Variants in CDC42BPB observed in about 807,000 individuals in gnomAD.
CDC42BPB encodes the protein serine/threonine-protein kinase MRCK beta.
A neutral mutation model predicts 214.9 loss-of-function variants in CDC42BPB; 37 were observed. The ratio of observed to expected loss-of-function variants is 0.17; its 90% confidence interval spans 0.13 to 0.23. CDC42BPB has a LOEUF of 0.23. Ranked by LOEUF, CDC42BPB falls within the 10% of genes least tolerant of loss-of-function variation. The pLI, the probability that CDC42BPB is intolerant of heterozygous loss-of-function variation, is 1.00. For missense variants in CDC42BPB, 1,694 were observed against 2,227.0 expected, an observed-to-expected ratio of 0.76 and a Z score of 4.82; for synonymous variants, 931 against 884.0, an observed-to-expected ratio of 1.05 and a Z score of -0.94.
chr14:103,016,473 G>GCAGATGAGGGGAGGGAAC (rs1886467036), intron 1 of CDC42BPB, among the ~76,000 whole-genome samples: 1 of 81,614 alleles, frequency 1.2e-5, no homozygotes. Flanking sequence ...TGCCGGTGAA[G>GCAGATGAGGGGAGGGAAC]CAGGTGAGGG....
intron 8 of CDC42BPB, 86 bp downstream of exon 8, chr14:102,980,687 A>T: frequency 1.5e-6 from 2 of 1,305,476 alleles, no homozygotes; most frequent in Non-Finnish European, 2.2e-6. Flanking sequence ...TTTATGGTGT[A>T]CTGACTTGAT....
intron 1 of CDC42BPB, among the ~76,000 whole-genome samples, chr14:103,027,219 T>A (rs1387730080): frequency 2.0e-5 from 3 of 152,146 alleles, no homozygotes; most frequent in African/African-American, 7.2e-5. Flanking sequence ...AGAGATGAAC[T>A]CTTACACACT....
Position 102,949,789 on chromosome 14 carries a change from A to G in CDC42BPB, c.3425T>C (p.Ile1142Thr), listed in dbSNP as rs1267828637. 1.9e-6 allele frequency: 3 copies of G among 1,613,486 alleles called. No individual in the cohort carries two copies. Among genetic ancestry groups the G allele is most frequent in the Non-Finnish European group, 1.7e-6 (2 of 1,180,020 alleles). The change falls in exon 26 of 37, where the codon ATT (isoleucine) becomes ACT (threonine). Residue 1142 changes from isoleucine to threonine, a missense_variant. Coordinates refer to ENST00000361246, the MANE Select transcript of CDC42BPB (RefSeq NM_006035.4). ...CCTGAGATCCAAGACTTGGCTCGCA[A>G]TGACACCAGGCTGGGTGGATTTTCC... is the stretch of plus-strand genomic sequence containing the variant. ...PEGKSTQPGV[I>T]ASQVLDLRDD...
chr14:102,952,407 G>C (rs775112920), intron 24 of CDC42BPB, 91 bp downstream of exon 24: 3 of 745,726 alleles, frequency 4.0e-6, no homozygotes, highest in Non-Finnish European at 6.8e-6. Flanking sequence ...TGGTTTGCTT[G>C]CATCAGGGCT....
At chr14:103,002,255 G>A (rs976725335) in intron 4 of CDC42BPB, among the ~76,000 whole-genome samples, 2 of 152,070 alleles carry the variant, frequency 1.3e-5, no homozygotes, top group African/African-American at 2.4e-5. Flanking sequence ...CGCAGAAGCC[G>A]GCCCCGCAGT....
At position 102,933,494 on chromosome 14, in the gene CDC42BPB, A is replaced by G. The variant is rs1401039160; in HGVS notation, c.*218T>C. On this transcript the variant is annotated 3_prime_UTR_variant, in exon 37 of 37. Coordinates refer to ENST00000361246, the MANE Select transcript of CDC42BPB (RefSeq NM_006035.4). ...GTCCTTCATGTGCAGATGGAACAGC[A>G]TCGCCTCACAGCTGTGCAGACGAAC... The G allele has an allele frequency of 9.3e-6, 4 of 428,166 alleles. No homozygotes were observed. The allele number at this position is 428,166 out of a possible 1,614,324, so 26.5% of individuals were successfully genotyped here. A position where few individuals can be genotyped will look rare whatever the true frequency, so the allele number is the denominator to read the frequency against.
chr14:102,968,081 C>A (rs1365667159), intron 16 of CDC42BPB, among the ~76,000 whole-genome samples, 172 bp downstream of exon 16: 3 of 150,970 alleles, frequency 2.0e-5, no homozygotes, highest in Non-Finnish European at 4.4e-5. Context: ...AGCGACAGAG[C>A]GAGACTCCAT....
At chr14:103,053,602 A>G (rs1001927439) in intron 1 of CDC42BPB, among the ~76,000 whole-genome samples, 2 of 150,188 alleles carry the variant, frequency 1.3e-5, no homozygotes, top group Admixed American at 6.6e-5. Flanking sequence ...TCTACTAAAA[A>G]TACAAAAAAA....
intron 3 of CDC42BPB, 32 bp downstream of exon 3, chr14:103,008,440 C>A: frequency 1.4e-6 from 2 of 1,399,268 alleles, no homozygotes; most frequent in Non-Finnish European, 1.0e-6. Flanking sequence ...CCCCAAGCCC[C>A]ATTTGTATGG....
intron 1 of CDC42BPB, among the ~76,000 whole-genome samples, chr14:103,044,346 C>T (rs543613153): frequency 6.6e-6 from 1 of 150,966 alleles, no homozygotes; most frequent in Non-Finnish European, 1.5e-5. Context: ...ACTACAGGTG[C>T]ACACCAACAC....
rs781109105 is a variant in CDC42BPB, at chr14:102,971,911, A to AC, written c.1884+7dup. On this transcript the variant is annotated splice_region_variant and intron_variant, in intron 13 of 36. Coordinates refer to ENST00000361246, the MANE Select transcript of CDC42BPB (RefSeq NM_006035.4). The stretch of plus-strand genomic sequence containing the variant: ...TCGATACCATCCCTGAACCATCTCC[A>AC]CAGCTACCTCTTTCCTGAGCTTCTC... 2 of 1,613,486 alleles carry AC rather than the reference A, an allele frequency of 1.2e-6. No individual in the cohort carries two copies. The highest frequency in any genetic ancestry group is 8.5e-7 in the Non-Finnish European group (1 of 1,179,552).
At chr14:103,041,698 G>A in intron 1 of CDC42BPB, 1 of 560,000 alleles carries the variant, frequency 1.8e-6, no homozygotes, top group Non-Finnish European at 3.3e-6. Flanking sequence ...CTGCAGCTTG[G>A]AGGAGCTCAG....
intron 21 of CDC42BPB, among the ~76,000 whole-genome samples, chr14:102,956,909 T>C (rs981666276): frequency 6.6e-6 from 1 of 150,538 alleles, no homozygotes; most frequent in Non-Finnish European, 1.5e-5. Context: ...CCAGGCATGG[T>C]GGCTCACACC....
At chr14:103,019,247 C>CT (rs771408080) in intron 1 of CDC42BPB, among the ~76,000 whole-genome samples, 2 of 152,152 alleles carry the variant, frequency 1.3e-5, no homozygotes, top group Non-Finnish European at 2.9e-5. Context: ...CTGAAATATG[C>CT]TAAGGCCCTA....
At position 102,933,627 on chromosome 14, in the gene CDC42BPB, G is replaced by T; in HGVS notation, c.*85C>A. On this transcript the variant is annotated 3_prime_UTR_variant, in exon 37 of 37. Coordinates refer to ENST00000361246, the MANE Select transcript of CDC42BPB (RefSeq NM_006035.4). ...TACAAAGTGATTCTACATTTCCTTG[G>T]ACAACACTGGAGGGCCCGCTCAGTC... 1.8e-6 allele frequency: 2 copies of T among 1,085,454 alleles called. No individual in the cohort carries two copies. Among genetic ancestry groups the T allele is most frequent in the South Asian group, 2.1e-5 (1 of 46,770 alleles). 67.2% of individuals were successfully genotyped at this position (1,085,454 alleles called of 1,614,324 possible). A position where few individuals can be genotyped will look rare whatever the true frequency, so the allele number is the denominator to read the frequency against.
At chr14:102,988,189 T>C (rs574702290) in intron 5 of CDC42BPB, among the ~76,000 whole-genome samples, 1 of 151,570 alleles carries the variant, frequency 6.6e-6, no homozygotes, top group South Asian at 2.1e-4. Flanking sequence ...AAGAATAAAA[T>C]GAGGTAAAGA....
At chr14:103,019,902 G>A (rs1886672359) in intron 1 of CDC42BPB, among the ~76,000 whole-genome samples, 1 of 152,168 alleles carries the variant, frequency 6.6e-6, no homozygotes, top group South Asian at 2.1e-4. Flanking sequence ...CTTTAAATAG[G>A]AAAAGCTTTG....
chr14:102,939,831 G>A lies in CDC42BPB; in HGVS notation c.4708C>T (p.Arg1570Ter), dbSNP rs1416279074. ...GGCCCCGTGAGGCCCCGCTCCTACCGCCTCTGCTGCAGTCTCTCTTCCTCT... is the reference window on the plus strand; with the variant it reads ...GGCCCCGTGAGGCCCCGCTCCTACCACCTCTGCTGCAGTCTCTCTTCCTCT... The part of the protein sequence containing the change: ...VPEEERLQQR[R>*]EMLRDPELRS... Residue 1570 changes from arginine to a stop codon, truncating the protein, a stop_gained and splice_region_variant, in exon 33 of 37, where the codon CGA becomes TGA. Coordinates refer to ENST00000361246, the MANE Select transcript of CDC42BPB (RefSeq NM_006035.4). LOFTEE classifies it high-confidence loss of function. 6.2e-7 allele frequency: 1 copy of A among 1,613,904 alleles called. No homozygotes were observed. Among genetic ancestry groups the A allele is most frequent in the African/African-American group, 1.3e-5 (1 of 74,950 alleles).
intron 14 of CDC42BPB, chr14:102,969,004 T>C (rs911224953): frequency 1.7e-6 from 1 of 578,530 alleles, no homozygotes; most frequent in African/African-American, 2.0e-5. Context: ...GGGCTGACTC[T>C]GTGCTGGGCC....
Sources: allele counts gnomAD v4.1 joint callset (sites outside exome capture counted in the v4.1 genomes callset), GRCh38; gene constraint gnomAD v4.1.1; transcripts MANE v1.5; gene names NCBI Gene and HGNC (gene_info 2026-07-23, HGNC 2026-07-21).